CABLES1: variants seen among roughly 807,000 people sequenced by gnomAD.
CABLES1 encodes the protein Cdk5 and Abl enzyme substrate 1, also known as CDK5 and ABL1 enzyme substrate 1.
Under a neutral mutation model 57.8 loss-of-function variants are expected in CABLES1, and 36 were observed. That is an observed-to-expected ratio of 0.62 (90% CI 0.48 to 0.82). CABLES1 has a LOEUF of 0.82. Ranked by LOEUF, CABLES1 falls within the 40% of genes least tolerant of loss-of-function variation. The pLI is 0.00. For missense variants in CABLES1, 767 were observed against 836.6 expected (o/e 0.92, Z 1.03); for synonymous variants, 374 against 363.0 (o/e 1.03, Z -0.35).
At chr18:23,178,018 G>T (rs1040139039) in intron 1 of CABLES1, among the ~76,000 whole-genome samples, 1 of 152,160 alleles carries the variant, frequency 6.6e-6, no homozygotes, top group South Asian at 2.1e-4. Flanking sequence ...TGCATAGGGC[G>T]CATTTCTGTC....
chr18:23,230,233 A>G (rs931318474), intron 4 of CABLES1, among the ~76,000 whole-genome samples: 1 of 152,102 alleles, frequency 6.6e-6, no homozygotes, highest in Non-Finnish European at 1.5e-5. Flanking sequence ...TTAGCCGGGC[A>G]TGGCGGCAGG....
intron 7 of CABLES1, among the ~76,000 whole-genome samples, chr18:23,245,333 C>A (rs1234028098): frequency 6.6e-6 from 1 of 152,060 alleles, no homozygotes; most frequent in African/African-American, 2.4e-5. Flanking sequence ...CATGGCGAAA[C>A]CCCATCTCTA....
rs140312218 is a variant in CABLES1 at position 23,174,288 on chromosome 18, G to A, written c.846-14550G>A. 8.5e-5 allele frequency among the ~76,000 whole-genome samples: 13 copies of A among 152,192 alleles called. No homozygotes were observed. In the East Asian group the frequency reaches 1.9e-3, roughly 23 times the overall value. On this transcript the variant is annotated intron_variant, in intron 1 of 9. Coordinates refer to ENST00000256925, the MANE Select transcript of CABLES1 (RefSeq NM_001100619.3). Reference sequence around the variant, plus strand: ...ATGTTGTAGCATGTATCAGTACTTCGTTCCTTCTCATGGCAGAATAATACT... The same window carrying A: ...ATGTTGTAGCATGTATCAGTACTTCATTCCTTCTCATGGCAGAATAATACT...
At chr18:23,185,027 ATG>A (rs1319393904) in intron 1 of CABLES1, among the ~76,000 whole-genome samples, 1 of 152,024 alleles carries the variant, frequency 6.6e-6, no homozygotes, top group African/African-American at 2.4e-5. Context: ...ATCTGTAATA[ATG>A]TGTGTGTGTG....
chr18:23,209,309 C>A (rs2047386840), intron 3 of CABLES1, among the ~76,000 whole-genome samples: 1 of 152,212 alleles, frequency 6.6e-6, no homozygotes, highest in Admixed American at 6.5e-5. Context: ...TTTCAGACAT[C>A]CCCTGGGGGT....
chr18:23,149,502 G>A (rs904093712), intron 1 of CABLES1, among the ~76,000 whole-genome samples: 4 of 152,142 alleles, frequency 2.6e-5, no homozygotes, highest in East Asian at 3.9e-4. Context: ...GGCTGGTCTC[G>A]AACTACTGAG....
intron 1 of CABLES1, among the ~76,000 whole-genome samples, chr18:23,144,938 CTT>C (rs760845340): frequency 7.1e-6 from 1 of 141,670 alleles, no homozygotes; most frequent in African/African-American, 2.6e-5. Context: ...TTTTTTCTTT[CTT>C]TTTTTTTTTC....
intron 3 of CABLES1, among the ~76,000 whole-genome samples, chr18:23,200,971 A>C (rs1045612652): frequency 6.6e-6 from 1 of 152,194 alleles, no homozygotes; most frequent in African/African-American, 2.4e-5. Flanking sequence ...CCTGCAGCAT[A>C]GATGAGTGAT....
chr18:23,206,974 C>G (rs1054033695), intron 3 of CABLES1, among the ~76,000 whole-genome samples: 2 of 152,084 alleles, frequency 1.3e-5, no homozygotes, highest in Non-Finnish European at 2.9e-5. Context: ...CCACACCCAG[C>G]TGATTTTTTT....
intron 7 of CABLES1, among the ~76,000 whole-genome samples, chr18:23,242,560 A>G (rs1421857518): frequency 1.3e-5 from 2 of 151,960 alleles, no homozygotes; most frequent in South Asian, 2.1e-4. Context: ...CCCCCTCTTT[A>G]TGGGTGTGGA....
intron 1 of CABLES1, among the ~76,000 whole-genome samples, chr18:23,170,794 GTTGTTT>G (rs899398091): frequency 1.7e-4 from 26 of 151,980 alleles, no homozygotes; most frequent in South Asian, 8.3e-4. Flanking sequence ...TTGTTTTTTT[GTTGTTT>G]TTGTTTTTGT....
chr18:23,245,721 G>C (rs936955099), intron 7 of CABLES1, among the ~76,000 whole-genome samples: 11 of 152,236 alleles, frequency 7.2e-5, no homozygotes, highest in Non-Finnish European at 1.6e-4. Flanking sequence ...TGTGGACAGT[G>C]CCTTCCATCT....
intron 4 of CABLES1, among the ~76,000 whole-genome samples, chr18:23,225,049 G>A (rs1287582775): frequency 7.9e-5 from 12 of 151,926 alleles, no homozygotes; most frequent in Admixed American, 5.9e-4. Context: ...TGTATTTTTT[G>A]TAGAGTCGGG....
intron 7 of CABLES1, among the ~76,000 whole-genome samples, chr18:23,251,127 TTTC>T (rs1268054783): frequency 6.6e-6 from 1 of 152,194 alleles, no homozygotes; most frequent in Non-Finnish European, 1.5e-5. Context: ...AAATCTGTCA[TTTC>T]TTCTTTCCTG....
At chr18:23,238,144 C>T (rs1295664238) in intron 7 of CABLES1, among the ~76,000 whole-genome samples, 1 of 152,274 alleles carries the variant, frequency 6.6e-6, no homozygotes, top group East Asian at 1.9e-4. Flanking sequence ...TTCTCTGGAG[C>T]CCCAGCCTTA....
chr18:23,240,564 C>T (rs1373884258), intron 7 of CABLES1, among the ~76,000 whole-genome samples: 2 of 152,232 alleles, frequency 1.3e-5, no homozygotes, highest in Non-Finnish European at 2.9e-5. Context: ...AGGATCTCTG[C>T]CCAGACAGAG....
In CABLES1 at chr18:23,259,641, CATG is replaced by C. The variant is rs2048246981; in HGVS notation, c.*2276_*2278del. On this transcript the variant is annotated 3_prime_UTR_variant, in exon 10 of 10. Coordinates refer to ENST00000256925, the MANE Select transcript of CABLES1 (RefSeq NM_001100619.3). ...GAGGTCTCCTTTTGCACGTCCATGA[CATG>C]AGCTTTTCGGAGGCAAAGGAAGTGG... The C allele has an allele frequency of 6.6e-6, 1 of 152,224 alleles. No homozygotes were observed. Among genetic ancestry groups the C allele is most frequent in the Admixed American group, 6.5e-5 (1 of 15,280 alleles). The allele number at this position is 152,224 out of a possible 1,614,324, so 9.4% of individuals were successfully genotyped here.
At chr18:23,165,669 G>A (rs1374652002) in intron 1 of CABLES1, among the ~76,000 whole-genome samples, 2 of 152,120 alleles carry the variant, frequency 1.3e-5, no homozygotes, top group Non-Finnish European at 2.9e-5. Context: ...TCCTTCATAT[G>A]GTAGCACACA....
chr18:23,220,307 T>C (rs960123211), intron 4 of CABLES1, among the ~76,000 whole-genome samples: 26 of 152,180 alleles, frequency 1.7e-4, no homozygotes, highest in African/African-American at 6.3e-4. Context: ...TTACAGTGTA[T>C]GGCATCCCAG....
Sources: allele counts gnomAD v4.1 joint callset (sites outside exome capture counted in the v4.1 genomes callset), GRCh38; gene constraint gnomAD v4.1.1; transcripts MANE v1.5; gene names NCBI Gene and HGNC (gene_info 2026-07-23, HGNC 2026-07-21).